NEGR1: variants seen among roughly 807,000 people sequenced by gnomAD.
NEGR1 encodes the protein neuronal growth regulator 1, also known as IgLON family member 4.
In NEGR1, 10 loss-of-function variants were observed where a neutral mutation model predicts 40.9. The observed-to-expected ratio is 0.24, with a 90% CI of 0.15 to 0.42. The LOEUF (loss-of-function observed/expected upper bound fraction) is 0.42, where lower values mean the gene tolerates loss of function less well. Ranked by LOEUF, NEGR1 falls within the 10% of genes least tolerant of loss-of-function variation. The pLI is 1.00. For synonymous variants in NEGR1, 185 were observed against 166.8 expected, an observed-to-expected ratio of 1.11 and a Z score of -0.84; for missense variants, 352 against 438.9, an observed-to-expected ratio of 0.80 and a Z score of 1.77.
intron 6 of NEGR1, among the ~76,000 whole-genome samples, chr1:71,524,434 A>T (rs1168247174): frequency 6.6e-6 from 1 of 151,438 alleles, no homozygotes; most frequent in Non-Finnish European, 1.5e-5. Flanking sequence ...AATGAAAATC[A>T]TTACCTTTTT....
At chr1:71,884,442 G>T (rs2101846694) in intron 2 of NEGR1, among the ~76,000 whole-genome samples, 1 of 152,174 alleles carries the variant, frequency 6.6e-6, no homozygotes, top group African/African-American at 2.4e-5. Context: ...CATTTGATTG[G>T]TTTACAAAGC....
At chr1:72,152,365 G>T (rs552632150) in intron 1 of NEGR1, among the ~76,000 whole-genome samples, 1 of 151,952 alleles carries the variant, frequency 6.6e-6, no homozygotes, top group African/African-American at 2.4e-5. Flanking sequence ...GATATTTGAA[G>T]AGGCATTTAT....
chr1:72,261,605 T>C (rs1655457967), intron 1 of NEGR1, among the ~76,000 whole-genome samples: 1 of 152,082 alleles, frequency 6.6e-6, no homozygotes, highest in Non-Finnish European at 1.5e-5. Flanking sequence ...AATTGTGGTG[T>C]CCGGCACCAC....
At chr1:72,070,185 C>T (rs1647403691) in intron 1 of NEGR1, among the ~76,000 whole-genome samples, 2 of 152,106 alleles carry the variant, frequency 1.3e-5, no homozygotes, top group East Asian at 3.9e-4. Context: ...CCTCAGATTA[C>T]TGATCTTTTA....
At chr1:71,962,251 T>C (rs1432657066) in intron 1 of NEGR1, among the ~76,000 whole-genome samples, 2 of 152,062 alleles carry the variant, frequency 1.3e-5, no homozygotes, top group South Asian at 4.1e-4. Context: ...AAAAGGTTAT[T>C]GGAAAGAAAT....
intron 5 of NEGR1, among the ~76,000 whole-genome samples, chr1:71,605,209 C>T (rs1302793878): frequency 6.6e-6 from 1 of 151,624 alleles, no homozygotes; most frequent in Non-Finnish European, 1.5e-5. Flanking sequence ...TTTAATTGAC[C>T]AATAATAATT....
At chr1:71,827,351 C>T (rs1658666111) in intron 2 of NEGR1, among the ~76,000 whole-genome samples, 2 of 151,724 alleles carry the variant, frequency 1.3e-5, no homozygotes, top group African/African-American at 4.8e-5. Context: ...GAATGACTAG[C>T]TTTCCATTTG....
Position 71,404,185 on chromosome 1 carries a change from A to G in NEGR1, c.*3261T>C, listed in dbSNP as rs1646263293. On this transcript the variant is annotated 3_prime_UTR_variant, in exon 7 of 7. Coordinates refer to ENST00000357731, the MANE Select transcript of NEGR1 (RefSeq NM_173808.3). ...ATATATTTTTTTTTTTCCCTGAATT[A>G]CCTGGGTAATTTTCTCAGTTCTCCA... The G allele has an allele frequency of 6.6e-6, 1 of 151,874 alleles. No individual in the cohort carries two copies. The highest frequency in any genetic ancestry group is 2.4e-5 in the African/African-American group (1 of 40,838). The allele number at this position is 151,874 out of a possible 1,614,324, so 9.4% of individuals were successfully genotyped here. A position where few individuals can be genotyped will look rare whatever the true frequency, so the allele number is the denominator to read the frequency against.
intron 3 of NEGR1, among the ~76,000 whole-genome samples, chr1:71,762,021 A>C (rs961107789): frequency 6.6e-6 from 1 of 152,074 alleles, no homozygotes. Flanking sequence ...TTTAAGATGC[A>C]TATATTTTAA....
In NEGR1 at chr1:71,912,833, G is replaced by T. The variant is rs369525424; in HGVS notation, c.409+22246C>A. Among the ~76,000 whole-genome samples the T allele has an allele frequency of 3.0e-4, 45 of 152,164 alleles. No individual in the cohort carries two copies. The East Asian group carries it at 7.5e-3, about 25-fold the overall frequency. On this transcript the variant is annotated intron_variant, in intron 2 of 6. Coordinates refer to ENST00000357731, the MANE Select transcript of NEGR1 (RefSeq NM_173808.3). Reference sequence around the variant, plus strand: ...GTGTGTGTATATATATATAGTACATGTATATATGTATTTATGTATATATGC... The same window carrying T: ...GTGTGTGTATATATATATAGTACATTTATATATGTATTTATGTATATATGC...
At chr1:71,566,362 G>A (rs193039049) in intron 6 of NEGR1, among the ~76,000 whole-genome samples, 2 of 151,968 alleles carry the variant, frequency 1.3e-5, no homozygotes, top group East Asian at 3.9e-4. Context: ...TCGTATATAA[G>A]TAAACTGAGG....
intron 2 of NEGR1, among the ~76,000 whole-genome samples, chr1:71,882,170 C>T (rs149122252): frequency 1.3e-4 from 20 of 152,114 alleles, no homozygotes; most frequent in African/African-American, 4.6e-4. Context: ...TAAACAGACG[C>T]GAAACTTGCT....
intron 1 of NEGR1, among the ~76,000 whole-genome samples, chr1:72,074,179 T>C (rs1018219113): frequency 6.6e-6 from 1 of 152,066 alleles, no homozygotes; most frequent in Admixed American, 6.6e-5. Flanking sequence ...TGATGAAATA[T>C]GTTATTAGCT....
At chr1:71,606,887 G>T (rs555290427) in intron 5 of NEGR1, among the ~76,000 whole-genome samples, 1 of 152,192 alleles carries the variant, frequency 6.6e-6, no homozygotes, top group Non-Finnish European at 1.5e-5. Context: ...TTGAAGAACT[G>T]CAGGCAGAGA....
At chr1:72,243,850 C>A (rs1654823070) in intron 1 of NEGR1, among the ~76,000 whole-genome samples, 1 of 151,582 alleles carries the variant, frequency 6.6e-6, no homozygotes, top group Non-Finnish European at 1.5e-5. Context: ...ATATTAATTT[C>A]TTTATGGCAT....
chr1:72,047,274 C>T (rs1647011373), intron 1 of NEGR1, among the ~76,000 whole-genome samples: 1 of 151,138 alleles, frequency 6.6e-6, no homozygotes, highest in Non-Finnish European at 1.5e-5. Flanking sequence ...CCCTAGAAAA[C>T]CATTTCAATA....
chr1:71,608,674 G>T (rs189803949), intron 5 of NEGR1, among the ~76,000 whole-genome samples: 1 of 152,232 alleles, frequency 6.6e-6, no homozygotes, highest in Admixed American at 6.5e-5. Flanking sequence ...GACTTTGAAA[G>T]GTATGTAAAA....
chr1:72,215,899 C>A (rs1570132235), intron 1 of NEGR1, among the ~76,000 whole-genome samples: 2 of 152,004 alleles, frequency 1.3e-5, no homozygotes, highest in Admixed American at 1.3e-4. Flanking sequence ...ACTATAAAGA[C>A]CCATGCACAC....
At chr1:72,001,945 C>G (rs2100382761) in intron 1 of NEGR1, among the ~76,000 whole-genome samples, 1 of 152,076 alleles carries the variant, frequency 6.6e-6, no homozygotes, top group South Asian at 2.1e-4. Context: ...AAAAATCAAC[C>G]TGAAAACTCA....
Sources: allele counts gnomAD v4.1 joint callset (sites outside exome capture counted in the v4.1 genomes callset), GRCh38; gene constraint gnomAD v4.1.1; transcripts MANE v1.5; gene names NCBI Gene and HGNC (gene_info 2026-07-23, HGNC 2026-07-21).